The following RHOBTB1 variants were observed in gnomAD, a reference collection of about 807,000 sequenced individuals.
RHOBTB1 encodes the protein rho-related BTB domain-containing protein 1.
Under a neutral mutation model 71.6 loss-of-function variants are expected in RHOBTB1, and 40 were observed. That is an observed-to-expected ratio of 0.56 (90% CI 0.43 to 0.73). The LOEUF (loss-of-function observed/expected upper bound fraction) is 0.73, where lower values mean the gene tolerates loss of function less well. RHOBTB1 is among the 30% of genes least tolerant of loss of function. The pLI, the probability that RHOBTB1 is intolerant of heterozygous loss-of-function variation, is 0.00. For synonymous variants in RHOBTB1, 319 were observed against 334.9 expected (o/e 0.95, Z 0.52); for missense variants, 797 against 894.0 (o/e 0.89, Z 1.38).
chr10:60,912,322 C>T (rs998403741), intron 2 of RHOBTB1, among the ~76,000 whole-genome samples: 1 of 152,078 alleles, frequency 6.6e-6, no homozygotes, highest in Non-Finnish European at 1.5e-5. Flanking sequence ...CAACTTCTGC[C>T]TCCTGGGTTC....
intron 7 of RHOBTB1, among the ~76,000 whole-genome samples, chr10:60,883,596 A>G (rs2081428715): frequency 6.6e-6 from 1 of 152,210 alleles, no homozygotes; most frequent in East Asian, 1.9e-4. Context: ...CCAGCTCTTT[A>G]TCTCCAGAGA....
Position 60,871,286 on chromosome 10 carries a change from T to A in RHOBTB1, c.*196A>T. 2.0e-6 allele frequency: 1 copy of A among 505,954 alleles called. No individual in the cohort carries two copies. The highest frequency in any genetic ancestry group is 4.1e-5 in the South Asian group (1 of 24,160). 31.3% of individuals were successfully genotyped at this position (505,954 alleles called of 1,614,324 possible). ...GAATGCAGTGAGAGTCAGCTTCCCT[T>A]TTTGTCCAGGCTCATTGATGGTGAG... On this transcript the variant is annotated 3_prime_UTR_variant, in exon 11 of 11. Transcript: ENST00000337910.
rs547511615 is a variant in RHOBTB1, at chr10:60,911,056, C to T, written c.193-66G>A. The T allele has an allele frequency of 4.9e-5, 61 of 1,251,750 alleles. No individual in the cohort carries two copies. In the South Asian group the frequency reaches 6.9e-4, roughly 14 times the overall value. 77.5% of individuals were successfully genotyped at this position (1,251,750 alleles called of 1,614,324 possible). A position where few individuals can be genotyped will look rare whatever the true frequency, so the allele number is the denominator to read the frequency against. ...AGAAGTTCCCCAGGAGAAGCGTGTT[C>T]AAGTCAGCACCCTCAGTGCCATCAA... On this transcript the variant is annotated intron_variant, in intron 3 of 10. Coordinates refer to ENST00000337910, the MANE Select transcript of RHOBTB1 (RefSeq NM_014836.5).
chr10:60,915,222 G>A (rs1215688124), intron 2 of RHOBTB1, among the ~76,000 whole-genome samples: 2 of 152,048 alleles, frequency 1.3e-5, no homozygotes, highest in Admixed American at 1.3e-4. Flanking sequence ...GCTTGTTATA[G>A]GCTCTAATTT....
intron 2 of RHOBTB1, among the ~76,000 whole-genome samples, chr10:60,985,191 A>C (rs2059801754): frequency 6.6e-6 from 1 of 151,574 alleles, no homozygotes; most frequent in Admixed American, 6.6e-5. Flanking sequence ...AATAAAATAC[A>C]ATGAAGAGTG....
chr10:60,868,405 G>T (rs2080652141), downstream of RHOBTB1, among the ~76,000 whole-genome samples: 1 of 152,134 alleles, frequency 6.6e-6, no homozygotes, highest in Non-Finnish European at 1.5e-5. Context: ...CATTCATTCA[G>T]AAGTGCTGAA....
chr10:60,948,101 A>G (rs1385666846), upstream of RHOBTB1, among the ~76,000 whole-genome samples: 1 of 151,958 alleles, frequency 6.6e-6, no homozygotes, highest in Non-Finnish European at 1.5e-5. Context: ...TTTTTTTGCC[A>G]CTCTTATCTC....
At chr10:60,935,156 C>T (rs994683479) in intron 2 of RHOBTB1, among the ~76,000 whole-genome samples, 6 of 152,146 alleles carry the variant, frequency 3.9e-5, no homozygotes, top group African/African-American at 1.4e-4. Context: ...TTATACACTA[C>T]TAAAAATGAA....
At chr10:60,922,847 T>A (rs2083648232) in intron 2 of RHOBTB1, among the ~76,000 whole-genome samples, 1 of 152,212 alleles carries the variant, frequency 6.6e-6, no homozygotes, top group Non-Finnish European at 1.5e-5. Context: ...GTTTTGACCC[T>A]ATGATAGAAC....
intron 2 of RHOBTB1, among the ~76,000 whole-genome samples, chr10:60,928,321 T>C (rs1227616766): frequency 1.7e-5 from 2 of 114,780 alleles, no homozygotes; most frequent in Non-Finnish European, 3.7e-5. Flanking sequence ...GATGGGTATA[T>C]ATCCAAAACA....
At chr10:60,868,787 C>T (rs181123000), downstream of RHOBTB1, among the ~76,000 whole-genome samples, 22 of 152,278 alleles carry the variant, frequency 1.4e-4, no homozygotes, top group East Asian at 2.3e-3. Context: ...AAGAAGAAAC[C>T]GGTATACTTT....
At chr10:60,973,293 G>A (rs1162033762) in intron 2 of RHOBTB1, among the ~76,000 whole-genome samples, 1 of 152,036 alleles carries the variant, frequency 6.6e-6, no homozygotes, top group East Asian at 1.9e-4. Flanking sequence ...TACAAGCTAA[G>A]ATTATTACAA....
At position 60,981,521 on chromosome 10, in the gene RHOBTB1, AT is replaced by A. The variant is rs781440368; in HGVS notation, c.-62+4323del. 5.9e-5 allele frequency among the ~76,000 whole-genome samples: 9 copies of A among 152,218 alleles called. No homozygotes were observed. The East Asian group carries it at 1.4e-3, about 23-fold the overall frequency. Reference sequence around the variant, plus strand: ...CCTCAAAACTCTTGCATTAACCAAGATTTTTTCCCCCTTTAAAATGGTTTAG... The same window carrying A: ...CCTCAAAACTCTTGCATTAACCAAGATTTTTCCCCCTTTAAAATGGTTTAG... On this transcript the variant is annotated intron_variant, in intron 2 of 11. Transcript: ENST00000357917.
chr10:61,001,433 G>T (rs890243446), exon 1 of RHOBTB1: 1 of 151,570 alleles, frequency 6.6e-6, no homozygotes, highest in Non-Finnish European at 1.5e-5. Context: ...GCGGCTCTGG[G>T]TCCCGCCGGG....
intron 2 of RHOBTB1, among the ~76,000 whole-genome samples, chr10:60,972,537 G>T (rs1188053285): frequency 6.6e-6 from 1 of 152,054 alleles, no homozygotes; most frequent in Non-Finnish European, 1.5e-5. Flanking sequence ...GCCTGTCGGG[G>T]CATGGGGGGC....
chr10:60,905,650 G>C (rs914272703), intron 4 of RHOBTB1, among the ~76,000 whole-genome samples: 3 of 151,998 alleles, frequency 2.0e-5, no homozygotes, highest in African/African-American at 7.3e-5. Flanking sequence ...CCCAAAGCGA[G>C]TGACTCCCTC....
chr10:60,924,024 C>A (rs1331791436), intron 2 of RHOBTB1, among the ~76,000 whole-genome samples: 3 of 151,892 alleles, frequency 2.0e-5, no homozygotes, highest in Non-Finnish European at 2.9e-5. Context: ...ACAAAATGTT[C>A]CCACTACAAA....
intron 2 of RHOBTB1, among the ~76,000 whole-genome samples, chr10:60,953,073 C>T (rs1327996966): frequency 6.6e-6 from 1 of 151,962 alleles, no homozygotes; most frequent in Non-Finnish European, 1.5e-5. Flanking sequence ...CCAGCAAGGT[C>T]AGGTTGATGA....
At chr10:60,911,115 CG>C in intron 3 of RHOBTB1, 125 bp from the exon 4 acceptor site, 1 of 812,350 alleles carries the variant, frequency 1.2e-6, no homozygotes, top group Non-Finnish European at 2.0e-6. Flanking sequence ...TTCTATCTGA[CG>C]GGATTTAAGC....
Sources: allele counts gnomAD v4.1 joint callset (sites outside exome capture counted in the v4.1 genomes callset), GRCh38; gene constraint gnomAD v4.1.1; transcripts MANE v1.5; gene names NCBI Gene and HGNC (gene_info 2026-07-23, HGNC 2026-07-21).